The following COLEC12 variants were observed in gnomAD, a reference collection of about 807,000 sequenced individuals.
COLEC12 encodes collectin subfamily member 12.
COLEC12 carries 33 observed loss-of-function variants against 71.1 expected under a neutral mutation model. That is an observed-to-expected ratio of 0.46 (90% CI 0.35 to 0.62). The LOEUF is 0.62. Among genes scored for constraint, COLEC12 ranks in the 20% least tolerant of loss-of-function variants. The pLI, the probability that COLEC12 is intolerant of heterozygous loss-of-function variation, is 0.00. For missense variants in COLEC12, 765 were observed against 916.1 expected, an observed-to-expected ratio of 0.84 and a Z score of 2.13; for synonymous variants, 350 against 353.0, an observed-to-expected ratio of 0.99 and a Z score of 0.10.
chr18:442,834 G>A (rs760446148), intron 2 of COLEC12, among the ~76,000 whole-genome samples: 23 of 152,316 alleles, frequency 1.5e-4, no homozygotes, highest in Admixed American at 3.9e-4. Flanking sequence ...GGCGGCACGC[G>A]CCTGTAGTCC....
chr18:342,079 C>T (rs957207419), intron 5 of COLEC12, among the ~76,000 whole-genome samples: 11 of 151,788 alleles, frequency 7.2e-5, no homozygotes, highest in Admixed American at 7.2e-4. Context: ...TTTCTTGAGA[C>T]GGAGTTTCAC....
chr18:340,074 C>CAAAAAAAAAAA (rs60991743), intron 5 of COLEC12, among the ~76,000 whole-genome samples: 25 of 94,208 alleles, frequency 2.7e-4, no homozygotes, highest in East Asian at 3.6e-4. Flanking sequence ...TGCCTGAAAG[C>CAAAAAAAAAAA]AAAAAAAAAA....
At chr18:451,655 G>C (rs1012119974) in intron 2 of COLEC12, among the ~76,000 whole-genome samples, 7 of 152,038 alleles carry the variant, frequency 4.6e-5, no homozygotes, top group Non-Finnish European at 1.5e-5. Flanking sequence ...GTTGAGGCAG[G>C]AGAATTGCTG....
chr18:413,788 A>C (rs1255680441), intron 2 of COLEC12, among the ~76,000 whole-genome samples: 1 of 152,272 alleles, frequency 6.6e-6, no homozygotes, highest in Non-Finnish European at 1.5e-5. Context: ...CAGTACATAT[A>C]ACCTGATGGA....
chr18:488,047 C>T (rs1422297838), intron 1 of COLEC12, among the ~76,000 whole-genome samples: 1 of 151,954 alleles, frequency 6.6e-6, no homozygotes. Flanking sequence ...AAACAAATAC[C>T]ATTAATACAC....
chr18:369,247 A>T (rs1488393141), intron 2 of COLEC12, among the ~76,000 whole-genome samples: 1 of 152,228 alleles, frequency 6.6e-6, no homozygotes, highest in East Asian at 1.9e-4. Context: ...CACTTAATGC[A>T]ACTGATCCAT....
intron 2 of COLEC12, among the ~76,000 whole-genome samples, chr18:434,491 T>A (rs1312392481): frequency 6.6e-6 from 1 of 152,210 alleles, no homozygotes; most frequent in Admixed American, 6.5e-5. Context: ...AGTCCATGTT[T>A]CCATTACTAT....
intron 2 of COLEC12, among the ~76,000 whole-genome samples, chr18:370,287 T>C (rs1354598253): frequency 4.6e-5 from 7 of 152,360 alleles, no homozygotes; most frequent in Admixed American, 1.3e-4. Context: ...TTTCATATGA[T>C]ATGAAATTTT....
At chr18:388,192 T>C (rs1915388095) in intron 2 of COLEC12, among the ~76,000 whole-genome samples, 1 of 152,178 alleles carries the variant, frequency 6.6e-6, no homozygotes. Flanking sequence ...TAATTGGTTC[T>C]TGAAAGAAAA....
At chr18:324,290 GT>G (rs1401734754) in intron 8 of COLEC12, among the ~76,000 whole-genome samples, 1 of 152,208 alleles carries the variant, frequency 6.6e-6, no homozygotes. Context: ...AGCTTAAATA[GT>G]GCTTAACCTC....
At chr18:429,358 AT>A (rs561584532) in intron 2 of COLEC12, among the ~76,000 whole-genome samples, 8 of 151,068 alleles carry the variant, frequency 5.3e-5, no homozygotes, top group South Asian at 2.1e-4. Flanking sequence ...AACACAAACT[AT>A]TTTTTTTCAT....
At chr18:383,405 G>A (rs376878701) in intron 2 of COLEC12, among the ~76,000 whole-genome samples, 1 of 152,038 alleles carries the variant, frequency 6.6e-6, no homozygotes, top group East Asian at 1.9e-4. Context: ...GGAGGGAGAT[G>A]TATGTGCCCA....
chr18:350,077 T>C (rs1259364974), intron 3 of COLEC12, among the ~76,000 whole-genome samples: 1 of 152,104 alleles, frequency 6.6e-6, no homozygotes, highest in Non-Finnish European at 1.5e-5. Flanking sequence ...GACATGAGAT[T>C]TGGCAGGGGC....
intron 2 of COLEC12, among the ~76,000 whole-genome samples, chr18:426,518 T>C (rs763243567): frequency 2.0e-5 from 3 of 152,176 alleles, no homozygotes. Context: ...CAGTTTTGCA[T>C]CTACTAGGTA....
At chr18:343,841 T>C (rs1241068258) in intron 5 of COLEC12, among the ~76,000 whole-genome samples, 2 of 152,232 alleles carry the variant, frequency 1.3e-5, no homozygotes, top group Non-Finnish European at 2.9e-5. Flanking sequence ...AGCTGCTTCA[T>C]AGAGCTGCTG....
intron 2 of COLEC12, among the ~76,000 whole-genome samples, chr18:441,797 G>A (rs971510895): frequency 1.3e-5 from 2 of 151,862 alleles, no homozygotes; most frequent in African/African-American, 4.8e-5. Flanking sequence ...AGGAGTTTGA[G>A]ACCAGCCTGG....
chr18:340,076 A>AAAAAAAC (rs2143453752), intron 5 of COLEC12, among the ~76,000 whole-genome samples: 1 of 144,506 alleles, frequency 6.9e-6, no homozygotes, highest in Admixed American at 6.8e-5. Flanking sequence ...CCTGAAAGCA[A>AAAAAAAC]AAAAAAAAAA....
chr18:440,380 C>CAT (rs766308538), intron 2 of COLEC12, among the ~76,000 whole-genome samples: 2,260 of 54,672 alleles, frequency 0.041, 49 homozygotes, highest in African/African-American at 0.1. Flanking sequence ...CACACACATA[C>CAT]ACACACACAC....
intron 3 of COLEC12, among the ~76,000 whole-genome samples, chr18:356,017 A>G (rs752532970): frequency 1.3e-5 from 2 of 152,188 alleles, no homozygotes; most frequent in African/African-American, 2.4e-5. Flanking sequence ...TAATCAGCCA[A>G]CACACTCAAT....
Sources: gnomAD v4.1 joint callset for allele counts (sites outside exome capture counted in the v4.1 genomes callset) on GRCh38, gnomAD v4.1.1 for gene constraint, MANE v1.5 for transcripts, NCBI Gene and HGNC (gene_info 2026-07-23, HGNC 2026-07-21) for gene names.